Variants in UHRF2 observed in about 807,000 individuals in gnomAD.
The protein encoded by UHRF2 is ubiquitin like with PHD and ring finger domains 2.
In UHRF2, 23 loss-of-function variants were observed where a neutral mutation model predicts 96.8. The ratio of observed to expected loss-of-function variants is 0.24; its 90% CI spans 0.17 to 0.34. UHRF2 has a LOEUF of 0.34. Ranked by LOEUF, UHRF2 falls within the 10% of genes least tolerant of loss-of-function variation. The probability of loss-of-function intolerance (pLI) is 1.00; values close to 1 mark genes in which losing one functional copy is unlikely to be tolerated. For synonymous variants in UHRF2, 385 were observed against 332.6 expected, an observed-to-expected ratio of 1.16 and a Z score of -1.72; for missense variants, 685 against 981.5, an observed-to-expected ratio of 0.70 and a Z score of 4.04.
intron 4 of UHRF2, among the ~76,000 whole-genome samples, chr9:6,468,959 A>C (rs1252144315): frequency 2.0e-5 from 3 of 152,216 alleles, no homozygotes; most frequent in Admixed American, 6.5e-5. Context: ...ATAATATCTG[A>C]AGCTTTTGGC....
intron 4 of UHRF2, among the ~76,000 whole-genome samples, chr9:6,471,382 G>T (rs1215944967): frequency 3.3e-5 from 5 of 152,220 alleles, no homozygotes; most frequent in South Asian, 2.1e-4. Flanking sequence ...AACCCCCAGT[G>T]ATTCCTGCTT....
At chr9:6,465,185 A>AATG (rs1822785521) in intron 4 of UHRF2, among the ~76,000 whole-genome samples, 1 of 152,158 alleles carries the variant, frequency 6.6e-6, no homozygotes, top group South Asian at 2.1e-4. Context: ...CAATAACTAC[A>AATG]ATGTTTGATA....
intron 4 of UHRF2, among the ~76,000 whole-genome samples, chr9:6,475,126 T>G (rs1286182813): frequency 6.6e-6 from 1 of 152,192 alleles, no homozygotes; most frequent in Non-Finnish European, 1.5e-5. Context: ...TTTTATCTAG[T>G]CTTTAAATTT....
rs566493525 is a variant in UHRF2 at position 6,435,118 on chromosome 9, C to T, written c.644+945C>T. ...AAGCTAGTCTCCTGCCTCAGCCTCC[C>T]GAGTAGCTAGCATTAGAGGCGCGCA... is the stretch of plus-strand genomic sequence containing the variant. On this transcript the variant is annotated intron_variant, in intron 3 of 15. Transcript: ENST00000276893. Among the ~76,000 whole-genome samples the T allele has an allele frequency of 2.0e-5, 3 of 152,048 alleles. No individual in the cohort carries two copies. The East Asian group carries it at 5.8e-4, about 29-fold the overall frequency.
At chr9:6,489,362 C>T (rs1371840844) in intron 9 of UHRF2, among the ~76,000 whole-genome samples, 2 of 152,170 alleles carry the variant, frequency 1.3e-5, no homozygotes, top group East Asian at 1.9e-4. Context: ...ACAGATAAAG[C>T]TACAGTAAAT....
At chr9:6,494,988 A>G (rs1489002851) in intron 10 of UHRF2, 1 of 152,226 alleles carries the variant, frequency 6.6e-6, no homozygotes, top group African/African-American at 2.4e-5. Flanking sequence ...GAGCTTAGCT[A>G]TTCTTTTCTA....
chr9:6,433,039 C>G (rs1221817939), intron 2 of UHRF2, among the ~76,000 whole-genome samples: 1 of 152,042 alleles, frequency 6.6e-6, no homozygotes, highest in African/African-American at 2.4e-5. Flanking sequence ...CGGGGTTTCA[C>G]TATGTTGGCC....
intron 3 of UHRF2, among the ~76,000 whole-genome samples, chr9:6,447,375 A>G (rs1401521499): frequency 6.6e-6 from 1 of 152,208 alleles, no homozygotes; most frequent in African/African-American, 2.4e-5. Context: ...TATATTTTGA[A>G]CATGGTACTT....
intron 3 of UHRF2, among the ~76,000 whole-genome samples, chr9:6,459,910 C>G (rs1822423055): frequency 6.6e-6 from 1 of 152,156 alleles, no homozygotes; most frequent in African/African-American, 2.4e-5. Flanking sequence ...GAGTTTGAGG[C>G]TACAGTGAGC....
intron 5 of UHRF2, 95 bp from the exon 6 acceptor site, chr9:6,477,526 CA>C (rs398010245): frequency 2.3e-4 from 285 of 1,215,982 alleles, no homozygotes; most frequent in South Asian, 3.8e-4. Flanking sequence ...AACTCCATTT[CA>C]AAAAAAATGC....
At chr9:6,458,236 G>T (rs7027302) in intron 3 of UHRF2, among the ~76,000 whole-genome samples, 34,832 of 151,886 alleles carry the variant, frequency 0.23, 4,700 homozygotes, top group African/African-American at 0.37. Context: ...GTCTTGGGAG[G>T]GTGTATGTGT....
intron 3 of UHRF2, among the ~76,000 whole-genome samples, chr9:6,450,220 C>T (rs974138794): frequency 4.6e-5 from 7 of 151,828 alleles, no homozygotes; most frequent in African/African-American, 1.7e-4. Context: ...TAAAAATGTA[C>T]TTAGGTTGTT....
intron 3 of UHRF2, among the ~76,000 whole-genome samples, chr9:6,453,988 G>C (rs1822025998): frequency 6.6e-6 from 1 of 151,988 alleles, no homozygotes; most frequent in Non-Finnish European, 1.5e-5. Context: ...CCTTCTTTAA[G>C]ATTATTTCTG....
chr9:6,425,741 G>T (rs1820219659), intron 2 of UHRF2, among the ~76,000 whole-genome samples: 2 of 151,188 alleles, frequency 1.3e-5, no homozygotes, highest in Admixed American at 6.6e-5. Flanking sequence ...CCAAGCCTGG[G>T]TGAGTGAGAC....
intron 1 of UHRF2, 169 bp downstream of exon 1, chr9:6,413,812 A>C: frequency 2.4e-6 from 2 of 841,456 alleles, no homozygotes; most frequent in Non-Finnish European, 3.3e-6. Flanking sequence ...GTCCCGCCGA[A>C]TGGTGGGGAG....
chr9:6,477,882 T>A, intron 6 of UHRF2, 74 bp downstream of exon 6: 1 of 1,334,800 alleles, frequency 7.5e-7, no homozygotes, highest in Non-Finnish European at 1.0e-6. Flanking sequence ...CCACCAAAAG[T>A]AGATTTCTAA....
chr9:6,413,717 G>C (rs1169702221), intron 1 of UHRF2, 74 bp downstream of exon 1: 1 of 1,370,952 alleles, frequency 7.3e-7, no homozygotes, highest in Non-Finnish European at 9.4e-7. Flanking sequence ...GCACCGGTCC[G>C]AGGGCTCTGT....
intron 2 of UHRF2, among the ~76,000 whole-genome samples, chr9:6,426,969 G>A (rs1322858318): frequency 1.3e-5 from 1 of 75,494 alleles, no homozygotes. Context: ...GGCTGGTCTT[G>A]AACTCCTGAC....
chr9:6,499,803 G>C (rs757227129), intron 12 of UHRF2, 32 bp from the exon 13 acceptor site: 3 of 1,526,498 alleles, frequency 2.0e-6, no homozygotes, highest in Non-Finnish European at 2.7e-6. Context: ...GCTTAAATCT[G>C]CATTGTACTC....
Sources: gnomAD v4.1 joint callset for allele counts (sites outside exome capture counted in the v4.1 genomes callset) on GRCh38, gnomAD v4.1.1 for gene constraint, MANE v1.5 for transcripts, NCBI Gene and HGNC (gene_info 2026-07-23, HGNC 2026-07-21) for gene names.